Variants in WWOX observed in about 807,000 individuals in gnomAD.
WWOX encodes WW domain containing oxidoreductase.
A neutral mutation model predicts 46.2 loss-of-function variants in WWOX; 69 were observed. The ratio of observed to expected loss-of-function variants is 1.49; its 90% CI spans 1.23 to 1.82. The LOEUF (loss-of-function observed/expected upper bound fraction) is 1.82, where lower values mean the gene tolerates loss of function less well. Among genes scored for constraint, WWOX ranks in the 40% most tolerant of loss-of-function variants. The pLI is 0.00. For missense variants in WWOX, 919 were observed against 542.6 expected (o/e 1.69, Z -6.89); for synonymous variants, 359 against 202.6 (o/e 1.77, Z -6.56).
At chr16:79,002,548 G>C (rs952046544) in intron 8 of WWOX, among the ~76,000 whole-genome samples, 1 of 152,108 alleles carries the variant, frequency 6.6e-6, no homozygotes, top group African/African-American at 2.4e-5. Context: ...TGCTAAACCT[G>C]ATGACCCTTG....
At chr16:79,208,395 C>A (rs536230737) in intron 8 of WWOX, among the ~76,000 whole-genome samples, 1 of 147,466 alleles carries the variant, frequency 6.8e-6, no homozygotes, top group Admixed American at 6.7e-5. Flanking sequence ...AAAAAAAAAT[C>A]GTTTAGGGGA....
At chr16:78,243,732 A>C (rs955386938) in intron 5 of WWOX, among the ~76,000 whole-genome samples, 1 of 152,128 alleles carries the variant, frequency 6.6e-6, no homozygotes, top group Admixed American at 6.5e-5. Context: ...TTTTGCGTAG[A>C]GGCAGTGTTT....
intron 8 of WWOX, among the ~76,000 whole-genome samples, chr16:79,023,043 T>C (rs1480524544): frequency 6.6e-6 from 1 of 150,992 alleles, no homozygotes; most frequent in Non-Finnish European, 1.5e-5. Flanking sequence ...TGTTGGCTTA[T>C]TGAAAAAACA....
At chr16:79,057,488 T>G (rs2048284573) in intron 8 of WWOX, among the ~76,000 whole-genome samples, 1 of 152,178 alleles carries the variant, frequency 6.6e-6, no homozygotes, top group Non-Finnish European at 1.5e-5. Context: ...TAAAGACCAT[T>G]ATTATTTCTG....
chr16:78,527,698 C>G (rs992413927), intron 8 of WWOX, among the ~76,000 whole-genome samples: 1 of 152,166 alleles, frequency 6.6e-6, no homozygotes, highest in South Asian at 2.1e-4. Flanking sequence ...TATGTTGTTA[C>G]ATTTAATCTT....
At chr16:79,058,740 A>C (rs958113480) in intron 8 of WWOX, among the ~76,000 whole-genome samples, 3 of 152,208 alleles carry the variant, frequency 2.0e-5, no homozygotes, top group Admixed American at 6.5e-5. Context: ...GCATCCTGGC[A>C]ATGTTTACGA....
At chr16:78,142,416 A>G (rs2034019285) in intron 4 of WWOX, among the ~76,000 whole-genome samples, 1 of 152,214 alleles carries the variant, frequency 6.6e-6, no homozygotes, top group Non-Finnish European at 1.5e-5. Context: ...ATTTGTAAAA[A>G]CATTATCAAG....
intron 8 of WWOX, among the ~76,000 whole-genome samples, chr16:79,187,408 G>T (rs2051038554): frequency 6.6e-6 from 1 of 152,146 alleles, no homozygotes; most frequent in South Asian, 2.1e-4. Context: ...CTTTTGTTCT[G>T]TTGTGTTTTT....
At chr16:79,156,615 AT>A (rs1262215773) in intron 8 of WWOX, among the ~76,000 whole-genome samples, 4 of 152,148 alleles carry the variant, frequency 2.6e-5, no homozygotes, top group Non-Finnish European at 5.9e-5. Flanking sequence ...TTAAAAAAAA[AT>A]TGTGAAGCAC....
chr16:78,416,080 C>T (rs1402260981), intron 6 of WWOX, among the ~76,000 whole-genome samples: 1 of 152,162 alleles, frequency 6.6e-6, no homozygotes, highest in East Asian at 1.9e-4. Flanking sequence ...CCTTAATCAC[C>T]TCTCACAGAT....
rs145313201 is a variant in WWOX, at chr16:78,344,145, C to G, written c.517-42715C>G. On this transcript the variant is annotated intron_variant, in intron 5 of 8. Coordinates refer to ENST00000566780, the MANE Select transcript of WWOX (RefSeq NM_016373.4). ...GTGAAGGTGCGTAATTAGTGTTTCACCAGACTGAGCATCATCCTCGGGCAG... is the reference window on the plus strand; with the variant it reads ...GTGAAGGTGCGTAATTAGTGTTTCAGCAGACTGAGCATCATCCTCGGGCAG... Among the ~76,000 whole-genome samples, 456 of 81,132 alleles carry G rather than the reference C, an allele frequency of 5.6e-3. 86 individuals are homozygous for G. The highest frequency in any genetic ancestry group is 0.018 in the African/African-American group (444 of 24,774). The allele number at this position is 81,132 out of a possible 152,430, so 53.2% of individuals were successfully genotyped here. A position where few individuals can be genotyped will look rare whatever the true frequency, so the allele number is the denominator to read the frequency against.
At chr16:78,753,942 A>G (rs1184026688) in intron 8 of WWOX, among the ~76,000 whole-genome samples, 1 of 148,642 alleles carries the variant, frequency 6.7e-6, no homozygotes, top group African/African-American at 2.5e-5. Flanking sequence ...TGGCAGAAAC[A>G]GGGGAATTCT....
intron 8 of WWOX, among the ~76,000 whole-genome samples, chr16:78,445,162 T>C (rs538909946): frequency 6.6e-6 from 1 of 152,310 alleles, no homozygotes; most frequent in Admixed American, 6.5e-5. Flanking sequence ...GGGTATAAGC[T>C]GTCCTAGAGT....
At chr16:78,875,859 T>G (rs1040971766) in intron 8 of WWOX, among the ~76,000 whole-genome samples, 8 of 152,370 alleles carry the variant, frequency 5.3e-5, no homozygotes, top group Middle Eastern at 3.4e-3. Context: ...AAAGAATGTT[T>G]CTTCCACACT....
intron 8 of WWOX, among the ~76,000 whole-genome samples, chr16:78,482,215 C>G (rs2084511294): frequency 6.6e-6 from 1 of 152,224 alleles, no homozygotes; most frequent in East Asian, 1.9e-4. Context: ...CTTTTTATCC[C>G]AATGTCAAAT....
chr16:78,483,669 G>A (rs752342280), intron 8 of WWOX, among the ~76,000 whole-genome samples: 23 of 152,054 alleles, frequency 1.5e-4, no homozygotes, highest in Non-Finnish European at 3.1e-4. Context: ...TCACTTAGCT[G>A]CTGTTACTTA....
intron 8 of WWOX, among the ~76,000 whole-genome samples, chr16:79,152,189 C>T (rs780283913): frequency 1.3e-5 from 2 of 152,178 alleles, no homozygotes; most frequent in African/African-American, 2.4e-5. Context: ...CTCCCCCACG[C>T]GAGGCGAGGC....
rs138468473 is a variant in WWOX at position 78,574,846 on chromosome 16, C to T, written c.1056+142094C>T. ...TGTTGATCTAAGGGTTCAAACTTCT[C>T]GTTAATAATAAACCAGTTCTGGAGA... On this transcript the variant is annotated intron_variant, in intron 8 of 8. Coordinates refer to ENST00000566780, the MANE Select transcript of WWOX (RefSeq NM_016373.4). Among the ~76,000 whole-genome samples the T allele has an allele frequency of 5.4e-5, 8 of 148,560 alleles. No individual in the cohort carries two copies. The South Asian group carries it at 6.6e-4, about 12-fold the overall frequency.
chr16:79,202,362 A>G lies in WWOX; in HGVS notation c.1057-9246A>G, dbSNP rs575353556. On this transcript the variant is annotated intron_variant, in intron 8 of 8. Transcript: ENST00000566780. ...GGGACCCTCAGTAGTGTTTTGGGATATAAGGCACACGGTAAAGGAACAACA... is the reference window on the plus strand; with the variant it reads ...GGGACCCTCAGTAGTGTTTTGGGATGTAAGGCACACGGTAAAGGAACAACA... Among the ~76,000 whole-genome samples the G allele has an allele frequency of 2.6e-5, 4 of 152,324 alleles. No homozygotes were observed. The East Asian group carries it at 7.7e-4, about 29-fold the overall frequency.
Sources: allele counts gnomAD v4.1 joint callset (sites outside exome capture counted in the v4.1 genomes callset), GRCh38; gene constraint gnomAD v4.1.1; transcripts MANE v1.5; gene names NCBI Gene and HGNC (gene_info 2026-07-23, HGNC 2026-07-21).